TSPAN5: variants seen among roughly 807,000 people sequenced by gnomAD.
TSPAN5 encodes tetraspanin-5.
In TSPAN5, 10 loss-of-function variants were observed where a neutral mutation model predicts 37.1. That is an observed-to-expected ratio of 0.27 (90% CI 0.17 to 0.46). TSPAN5 has a LOEUF of 0.46. Among genes scored for constraint, TSPAN5 ranks in the 20% least tolerant of loss-of-function variants. TSPAN5 has a pLI of 1.00. For missense variants in TSPAN5, 195 were observed against 326.6 expected, an observed-to-expected ratio of 0.60 and a Z score of 3.11; for synonymous variants, 110 against 118.9, an observed-to-expected ratio of 0.93 and a Z score of 0.48.
At chr4:98,545,939 T>C (rs1013465994) in intron 1 of TSPAN5, among the ~76,000 whole-genome samples, 1 of 152,204 alleles carries the variant, frequency 6.6e-6, no homozygotes, top group Non-Finnish European at 1.5e-5. Context: ...ATAATGTTAA[T>C]AGCAAACATT....
At chr4:98,590,707 CAA>C (rs201373765) in intron 1 of TSPAN5, among the ~76,000 whole-genome samples, 24 of 91,428 alleles carry the variant, frequency 2.6e-4, no homozygotes, top group Non-Finnish European at 2.1e-4. Context: ...GAGACTGTCT[CAA>C]AAAAAAAAAA....
chr4:98,624,441 G>A (rs983861834), intron 1 of TSPAN5, among the ~76,000 whole-genome samples: 3 of 152,038 alleles, frequency 2.0e-5, no homozygotes, highest in Admixed American at 6.5e-5. Flanking sequence ...AAAAAAATAC[G>A]TATTAACATA....
chr4:98,542,890 T>A (rs1024073912), intron 1 of TSPAN5, among the ~76,000 whole-genome samples: 1 of 152,116 alleles, frequency 6.6e-6, no homozygotes, highest in African/African-American at 2.4e-5. Context: ...CTTAAAAAAA[T>A]GTAAATGGAA....
intron 1 of TSPAN5, among the ~76,000 whole-genome samples, chr4:98,575,847 A>G (rs2110188452): frequency 6.6e-6 from 1 of 151,592 alleles, no homozygotes; most frequent in South Asian, 2.1e-4. Context: ...TGAGACAGGC[A>G]GATCACAAGG....
chr4:98,523,766 T>C (rs1269652736), intron 1 of TSPAN5, among the ~76,000 whole-genome samples: 17 of 152,316 alleles, frequency 1.1e-4, no homozygotes, highest in Admixed American at 1.0e-3. Flanking sequence ...AGAGGACTGC[T>C]AATTTCCTGA....
At chr4:98,626,671 TC>T (rs1178779427) in intron 1 of TSPAN5, among the ~76,000 whole-genome samples, 3 of 152,076 alleles carry the variant, frequency 2.0e-5, no homozygotes, top group African/African-American at 7.2e-5. Flanking sequence ...CACAGCCTGT[TC>T]CTTCCCTTCC....
intron 1 of TSPAN5, among the ~76,000 whole-genome samples, chr4:98,580,582 AC>A (rs1246449290): frequency 1.3e-5 from 2 of 152,336 alleles, no homozygotes; most frequent in South Asian, 2.1e-4. Context: ...ACACCAGAAT[AC>A]CAAGATGATG....
intron 1 of TSPAN5, chr4:98,509,913 A>T (rs542289076): frequency 1.3e-5 from 2 of 152,320 alleles, no homozygotes; most frequent in South Asian, 4.1e-4. Flanking sequence ...TTGACATCAA[A>T]CACAACCCAG....
chr4:98,512,046 C>T (rs940129108), intron 1 of TSPAN5, among the ~76,000 whole-genome samples: 1 of 152,118 alleles, frequency 6.6e-6, no homozygotes, highest in Admixed American at 6.6e-5. Flanking sequence ...AACCCCGTCT[C>T]TACTAAAAAT....
intron 1 of TSPAN5, among the ~76,000 whole-genome samples, chr4:98,624,948 TTA>T (rs1756562570): frequency 6.6e-6 from 1 of 152,188 alleles, no homozygotes; most frequent in Non-Finnish European, 1.5e-5. Flanking sequence ...GAACGTATTT[TTA>T]GACACAACCA....
intron 1 of TSPAN5, among the ~76,000 whole-genome samples, chr4:98,573,926 GA>G (rs151075763): frequency 0.17 from 25,753 of 152,114 alleles, 2,595 homozygotes; most frequent in East Asian, 0.41. Context: ...ATGATGCAGA[GA>G]AACCAGTTCA....
intron 2 of TSPAN5, 56 bp from the exon 3 acceptor site, chr4:98,486,940 A>G (rs1028076583): frequency 8.2e-6 from 13 of 1,584,292 alleles, no homozygotes; most frequent in Non-Finnish European, 9.5e-6. Context: ...CAGTTTTCCA[A>G]CATGTAAAGA....
At chr4:98,511,842 G>T (rs1753612191) in intron 1 of TSPAN5, among the ~76,000 whole-genome samples, 1 of 152,116 alleles carries the variant, frequency 6.6e-6, no homozygotes, top group South Asian at 2.1e-4. Flanking sequence ...AATAATGTTG[G>T]TACAAAGTAT....
intron 1 of TSPAN5, among the ~76,000 whole-genome samples, chr4:98,626,031 G>C (rs1272571779): frequency 6.6e-6 from 1 of 152,150 alleles, no homozygotes; most frequent in African/African-American, 2.4e-5. Context: ...TTCCTCACTT[G>C]TTACTATATT....
chr4:98,653,573 G>A lies in TSPAN5; in HGVS notation c.81+4573C>T, dbSNP rs572448593. Among the ~76,000 whole-genome samples, 16 of 152,038 alleles carry A rather than the reference G, an allele frequency of 1.1e-4. No individual in the cohort carries two copies. In the East Asian group the frequency reaches 2.9e-3, roughly 28 times the overall value. On this transcript the variant is annotated intron_variant, in intron 1 of 7. Coordinates refer to ENST00000305798, the MANE Select transcript of TSPAN5 (RefSeq NM_005723.4). ...CTCATCTTCTTGGCAGATCTTAAGGGTATTATCATTACCTAGTAGTAATGA... is the reference window on the plus strand; with the variant it reads ...CTCATCTTCTTGGCAGATCTTAAGGATATTATCATTACCTAGTAGTAATGA...
At chr4:98,578,668 C>T (rs1417842441) in intron 1 of TSPAN5, among the ~76,000 whole-genome samples, 1 of 152,166 alleles carries the variant, frequency 6.6e-6, no homozygotes, top group Non-Finnish European at 1.5e-5. Context: ...GATCTGCCCA[C>T]CTCGGCCTCC....
chr4:98,605,993 T>C (rs1225638220), intron 1 of TSPAN5, among the ~76,000 whole-genome samples: 3 of 152,212 alleles, frequency 2.0e-5, no homozygotes, highest in African/African-American at 7.2e-5. Context: ...TCTCTGTCTA[T>C]GGCATCTGTA....
intron 1 of TSPAN5, among the ~76,000 whole-genome samples, chr4:98,535,159 G>T (rs1405688015): frequency 1.3e-5 from 2 of 152,184 alleles, no homozygotes; most frequent in Non-Finnish European, 2.9e-5. Flanking sequence ...TGTTTTTGCA[G>T]TGGCTGGTAC....
At chr4:98,648,336 G>A (rs1468769166) in intron 1 of TSPAN5, among the ~76,000 whole-genome samples, 5 of 152,156 alleles carry the variant, frequency 3.3e-5, no homozygotes, top group African/African-American at 1.2e-4. Flanking sequence ...CAGCAACAGT[G>A]GATGGGGAGG....
Sources: allele counts gnomAD v4.1 joint callset (sites outside exome capture counted in the v4.1 genomes callset), GRCh38; gene constraint gnomAD v4.1.1; transcripts MANE v1.5; gene names NCBI Gene and HGNC (gene_info 2026-07-23, HGNC 2026-07-21).